Variants in ACTMAP observed in about 807,000 individuals in gnomAD.
ACTMAP encodes the protein actin maturation protease, also known as UPF0692 protein C19orf54.
the ACTMAP span, chr19:40,744,052 C>T: frequency 6.2e-7 from 1 of 1,613,982 alleles, no homozygotes; most frequent in Non-Finnish European, 8.5e-7. Context: ...TCCTCTCTCC[C>T]AGGCCCTGGG....
the ACTMAP span, chr19:40,744,768 C>G: frequency 1.0e-5 from 15 of 1,482,276 alleles, no homozygotes; most frequent in Non-Finnish European, 1.2e-5. Flanking sequence ...GTTTGCTGCC[C>G]TGGAGGAGTC....
chr19:40,742,214 A>G, the ACTMAP span: 2 of 700,224 alleles, frequency 2.9e-6, no homozygotes, highest in Admixed American at 2.0e-5. Flanking sequence ...ACGATGCGAC[A>G]TTCAGATGGA....
At chr19:40,749,853 G>T in the ACTMAP span, 1 of 973,008 alleles carries the variant, frequency 1.0e-6, no homozygotes, top group Non-Finnish European at 1.5e-6. Flanking sequence ...GGGAGGGAAG[G>T]ATCCTCCAAC....
At chr19:40,745,989 G>C in the ACTMAP span, among the ~76,000 whole-genome samples, 3 of 152,220 alleles carry the variant, frequency 2.0e-5, no homozygotes, top group Admixed American at 6.5e-5. Flanking sequence ...ATTTTTAGTA[G>C]AGATGAGATC....
the ACTMAP span, chr19:40,741,009 C>T: frequency 2.5e-6 from 1 of 398,526 alleles, no homozygotes; most frequent in Admixed American, 4.4e-5. Context: ...ATTCTTGTGC[C>T]TGGATGTGTT....
chr19:40,743,312 A>T, the ACTMAP span, among the ~76,000 whole-genome samples: 8 of 150,788 alleles, frequency 5.3e-5, no homozygotes, highest in African/African-American at 2.0e-4. Context: ...AGCTCACTGC[A>T]ACCTCCGCCT....
At chr19:40,744,304 G>A in the ACTMAP span, 2 of 1,418,412 alleles carry the variant, frequency 1.4e-6, no homozygotes, top group Non-Finnish European at 1.9e-6. Flanking sequence ...TCCACCCCTT[G>A]GTACAAATGC....
At chr19:40,750,461 A>G in the ACTMAP span, 1 of 152,266 alleles carries the variant, frequency 6.6e-6, no homozygotes, top group Non-Finnish European at 1.5e-5. Flanking sequence ...GTCAGGAAGT[A>G]AAGTGCACCT....
the ACTMAP span, chr19:40,750,401 G>C: frequency 6.6e-6 from 1 of 152,254 alleles, no homozygotes; most frequent in Non-Finnish European, 1.5e-5. Context: ...AGAAGACTCA[G>C]AGATCAGAGG....
the ACTMAP span, among the ~76,000 whole-genome samples, chr19:40,748,366 G>T: frequency 6.6e-6 from 1 of 151,844 alleles, no homozygotes; most frequent in Non-Finnish European, 1.5e-5. Context: ...ATGAAAGAGG[G>T]AAACTCCATT....
chr19:40,744,323 A>G, the ACTMAP span: 1 of 1,396,924 alleles, frequency 7.2e-7, no homozygotes, highest in Admixed American at 2.5e-5. Context: ...GCAGAAAATG[A>G]GGCACAAAGA....
chr19:40,741,142 T>C, the ACTMAP span: 1 of 399,464 alleles, frequency 2.5e-6, no homozygotes, highest in Non-Finnish European at 4.4e-6. Context: ...TGATCACTGG[T>C]TAGAAATACT....
At chr19:40,747,194 C>G in the ACTMAP span, among the ~76,000 whole-genome samples, 5 of 152,022 alleles carry the variant, frequency 3.3e-5, no homozygotes, top group African/African-American at 1.2e-4. Context: ...CTCCTGGTTC[C>G]TAGTTTAGGG....
chr19:40,746,205 T>A, the ACTMAP span, among the ~76,000 whole-genome samples: 6 of 152,068 alleles, frequency 3.9e-5, no homozygotes. Flanking sequence ...GAGGGATTCA[T>A]TCCTTTTTGT....
At chr19:40,742,210 C>T in the ACTMAP span, 17 of 694,758 alleles carry the variant, frequency 2.4e-5, no homozygotes, top group East Asian at 8.3e-5. Context: ...ACAGACGATG[C>T]GACATTCAGA....
the ACTMAP span, among the ~76,000 whole-genome samples, chr19:40,745,826 C>T: frequency 2.0e-5 from 3 of 152,190 alleles, no homozygotes; most frequent in Non-Finnish European, 2.9e-5. Context: ...GCATGCGCCA[C>T]CACGCCCAGC....
chr19:40,745,045 C>T, the ACTMAP span: 7 of 1,475,760 alleles, frequency 4.7e-6, no homozygotes, highest in Admixed American at 2.0e-5. Context: ...ATCCACTCCT[C>T]TTCTCCAGAT....
chr19:40,745,137 C>G, the ACTMAP span: 2 of 1,551,892 alleles, frequency 1.3e-6, no homozygotes, highest in Non-Finnish European at 1.7e-6. Flanking sequence ...TACTGAGGGC[C>G]TTCTTGGATG....
the ACTMAP span, chr19:40,744,442 G>A: frequency 6.7e-7 from 1 of 1,502,500 alleles, no homozygotes; most frequent in Non-Finnish European, 8.9e-7. Context: ...ACTGGGCAGT[G>A]GGAAGGGCCC....
Sources: gnomAD v4.1 joint callset for allele counts (sites outside exome capture counted in the v4.1 genomes callset) on GRCh38, gnomAD v4.1.1 for gene constraint, MANE v1.5 for transcripts, NCBI Gene and HGNC (gene_info 2026-07-23, HGNC 2026-07-21) for gene names.